Variants in STXBP5L observed in about 807,000 individuals in gnomAD.
STXBP5L encodes the protein syntaxin-binding protein 5-like.
STXBP5L carries 65 observed loss-of-function variants against 144.5 expected under a neutral mutation model. That is an observed-to-expected ratio of 0.45 (90% CI 0.37 to 0.55). STXBP5L has a LOEUF of 0.55. STXBP5L is among the 20% of genes least tolerant of loss of function. The probability of loss-of-function intolerance (pLI) is 0.00; values close to 1 mark genes in which losing one functional copy is unlikely to be tolerated. For missense variants in STXBP5L, 1,298 were observed against 1,405.5 expected, an observed-to-expected ratio of 0.92 and a Z score of 1.22; for synonymous variants, 505 against 469.6, an observed-to-expected ratio of 1.08 and a Z score of -0.97.
At chr3:121,013,195 T>C (rs1458469802) in intron 3 of STXBP5L, among the ~76,000 whole-genome samples, 2 of 152,030 alleles carry the variant, frequency 1.3e-5, no homozygotes, top group Non-Finnish European at 2.9e-5. Context: ...TGATTTATTT[T>C]CCTTTGGATA....
chr3:121,197,500 T>C (rs1331632749), intron 9 of STXBP5L, among the ~76,000 whole-genome samples: 1 of 152,210 alleles, frequency 6.6e-6, no homozygotes, highest in Non-Finnish European at 1.5e-5. Context: ...TTTATTTATT[T>C]ATTTACTTTA....
chr3:120,977,571 A>T (rs931221847), intron 3 of STXBP5L, among the ~76,000 whole-genome samples: 8 of 152,098 alleles, frequency 5.3e-5, no homozygotes, highest in African/African-American at 1.9e-4. Flanking sequence ...TTATGTGTGA[A>T]TTTGATCCTG....
chr3:121,091,992 A>G (rs1041840996), intron 5 of STXBP5L, among the ~76,000 whole-genome samples: 1 of 152,092 alleles, frequency 6.6e-6, no homozygotes, highest in African/African-American at 2.4e-5. Context: ...CTTTCTACAT[A>G]TGGCTAGCCT....
intron 14 of STXBP5L, among the ~76,000 whole-genome samples, chr3:121,242,759 G>C (rs538880440): frequency 6.6e-6 from 1 of 151,940 alleles, no homozygotes; most frequent in South Asian, 2.1e-4. Context: ...TAACAGCATA[G>C]ACAATTTGAG....
intron 9 of STXBP5L, among the ~76,000 whole-genome samples, chr3:121,196,786 G>T (rs546713629): frequency 6.6e-6 from 1 of 151,770 alleles, no homozygotes; most frequent in African/African-American, 2.4e-5. Flanking sequence ...CCTCCCACCC[G>T]AGCCTTTCAA....
intron 5 of STXBP5L, among the ~76,000 whole-genome samples, chr3:121,075,526 C>T (rs1194862010): frequency 2.6e-5 from 4 of 152,182 alleles, no homozygotes; most frequent in African/African-American, 9.6e-5. Flanking sequence ...AACCTTCTAA[C>T]TTCTGAAGCT....
At chr3:121,133,679 A>C (rs1208602445) in intron 7 of STXBP5L, among the ~76,000 whole-genome samples, 6 of 152,240 alleles carry the variant, frequency 3.9e-5, no homozygotes, top group Non-Finnish European at 8.8e-5. Context: ...CTGTTGTATT[A>C]GTCCATTCTC....
chr3:120,975,872 C>A (rs1261791897), intron 3 of STXBP5L, among the ~76,000 whole-genome samples: 2 of 147,900 alleles, frequency 1.4e-5, no homozygotes, highest in Admixed American at 6.7e-5. Context: ...ATTGAACCAG[C>A]CTTGCATCCC....
intron 3 of STXBP5L, among the ~76,000 whole-genome samples, chr3:121,039,766 C>G (rs1322800500): frequency 1.3e-5 from 2 of 151,874 alleles, no homozygotes; most frequent in East Asian, 3.8e-4. Context: ...TTTTATTACT[C>G]AAATTACAAC....
chr3:121,022,902 C>A (rs563413866), intron 3 of STXBP5L, among the ~76,000 whole-genome samples: 1 of 152,014 alleles, frequency 6.6e-6, no homozygotes, highest in Non-Finnish European at 1.5e-5. Context: ...GAAATCCTAG[C>A]CAGAGCAATT....
Position 121,414,212 on chromosome 3 carries a change from AGATAC to A in STXBP5L, c.3114+890_3114+894del, listed in dbSNP as rs574647731. 3.8e-3 allele frequency among the ~76,000 whole-genome samples: 571 copies of A among 152,258 alleles called. 8 individuals carry two copies. Among genetic ancestry groups the A allele is most frequent in the Middle Eastern group, 0.02 (6 of 294 alleles). On this transcript the variant is annotated intron_variant, in intron 24 of 26. Coordinates refer to ENST00000471454, the MANE Select transcript of STXBP5L (RefSeq NM_001308330.2). ...GACTCTAGGAACATGCTAATAAATA[AGATAC>A]AAGTCCCTGCCTGCTAGTGTGGAGA...
At chr3:121,010,547 G>C (rs770417714) in intron 3 of STXBP5L, among the ~76,000 whole-genome samples, 4 of 151,454 alleles carry the variant, frequency 2.6e-5, no homozygotes, top group Non-Finnish European at 5.9e-5. Flanking sequence ...GCAGATAATA[G>C]TTGACCCTTG....
intron 3 of STXBP5L, among the ~76,000 whole-genome samples, chr3:121,001,502 C>T (rs1490632390): frequency 6.6e-6 from 1 of 152,184 alleles, no homozygotes. Context: ...GGCTGTGCTC[C>T]ACTGCAGCCA....
intron 9 of STXBP5L, among the ~76,000 whole-genome samples, chr3:121,187,845 A>C (rs1478678295): frequency 6.6e-6 from 1 of 151,990 alleles, no homozygotes; most frequent in Non-Finnish European, 1.5e-5. Context: ...GGATGGAGGA[A>C]TATTTACCAA....
intron 20 of STXBP5L, among the ~76,000 whole-genome samples, chr3:121,375,368 C>A (rs2046152096): frequency 6.6e-6 from 1 of 152,150 alleles, no homozygotes; most frequent in Non-Finnish European, 1.5e-5. Context: ...TTAAACCCTA[C>A]TAAATATGTC....
At chr3:120,909,811 C>T (rs199784166) in intron 2 of STXBP5L, 44 bp downstream of exon 2, 6 of 1,554,924 alleles carry the variant, frequency 3.9e-6, no homozygotes, top group Middle Eastern at 1.8e-4. Context: ...CTTTATTATA[C>T]TGTTGTAAGG....
At chr3:121,361,627 T>G (rs1275904483) in intron 20 of STXBP5L, among the ~76,000 whole-genome samples, 1 of 152,098 alleles carries the variant, frequency 6.6e-6, no homozygotes, top group African/African-American at 2.4e-5. Flanking sequence ...CCAGATTTTC[T>G]GCTTGATTCT....
intron 25 of STXBP5L, among the ~76,000 whole-genome samples, chr3:121,416,693 C>T (rs565332162): frequency 1.2e-4 from 18 of 151,356 alleles, no homozygotes; most frequent in African/African-American, 3.9e-4. Context: ...TTAGTAGAGA[C>T]GAGGTTTTGC....
intron 25 of STXBP5L, among the ~76,000 whole-genome samples, chr3:121,417,448 TG>T (rs1487339144): frequency 4.6e-5 from 7 of 152,116 alleles, no homozygotes; most frequent in African/African-American, 1.4e-4. Context: ...CCAAAATAGC[TG>T]TTTTTTTTTC....
Sources: gnomAD v4.1 joint callset for allele counts (sites outside exome capture counted in the v4.1 genomes callset) on GRCh38, gnomAD v4.1.1 for gene constraint, MANE v1.5 for transcripts, NCBI Gene and HGNC (gene_info 2026-07-23, HGNC 2026-07-21) for gene names.